The following C8orf34 variants were observed in gnomAD, a reference collection of about 807,000 sequenced individuals.
C8orf34 encodes the protein chromosome 8 open reading frame 34, also known as uncharacterized protein C8orf34.
C8orf34 carries 65 observed loss-of-function variants against 68.3 expected under a neutral mutation model. The ratio of observed to expected loss-of-function variants is 0.95; its 90% CI spans 0.78 to 1.17. The LOEUF (loss-of-function observed/expected upper bound fraction) is 1.17. Among genes scored for constraint, C8orf34 ranks in the 50% most tolerant of loss-of-function variants. C8orf34 has a pLI of 0.00. For missense variants in C8orf34, 664 were observed against 655.4 expected, an observed-to-expected ratio of 1.01 and a Z score of -0.14; for synonymous variants, 244 against 241.2, an observed-to-expected ratio of 1.01 and a Z score of -0.11.
chr8:68,330,866 G>C, upstream of C8orf34: 1 of 628,344 alleles, frequency 1.6e-6, no homozygotes, highest in Non-Finnish European at 2.5e-6. Context: ...GTCCGCCCGC[G>C]TGCGCCCCTC....
At chr8:68,554,070 T>C (rs768219919) in intron 7 of C8orf34, among the ~76,000 whole-genome samples, 16 of 152,116 alleles carry the variant, frequency 1.1e-4, no homozygotes, top group Non-Finnish European at 2.1e-4. Flanking sequence ...GGTTAGCAAA[T>C]TGAAAAAAAT....
chr8:68,791,249 C>A, intron 12 of C8orf34: 1 of 316,730 alleles, frequency 3.2e-6, no homozygotes, highest in South Asian at 1.2e-4. Flanking sequence ...CAAGCACTTT[C>A]TTCTAAGGAG....
intron 10 of C8orf34, among the ~76,000 whole-genome samples, chr8:68,762,993 G>A (rs1311538692): frequency 1.3e-5 from 2 of 152,202 alleles, no homozygotes; most frequent in Non-Finnish European, 2.9e-5. Context: ...GGTTCATTAA[G>A]TTGCTGGGTC....
At chr8:68,509,573 A>G (rs971527610) in intron 5 of C8orf34, among the ~76,000 whole-genome samples, 2 of 152,140 alleles carry the variant, frequency 1.3e-5, no homozygotes, top group African/African-American at 4.8e-5. Context: ...CAGAGACACA[A>G]TTACCTGTTT....
At chr8:68,768,796 T>G (rs1823255844) in intron 10 of C8orf34, among the ~76,000 whole-genome samples, 2 of 152,168 alleles carry the variant, frequency 1.3e-5, no homozygotes, top group Non-Finnish European at 1.5e-5. Context: ...ACGTGGTCTT[T>G]GTGCCGGCAA....
chr8:68,728,913 C>T (rs377699759), intron 10 of C8orf34, among the ~76,000 whole-genome samples: 1 of 152,190 alleles, frequency 6.6e-6, no homozygotes, highest in East Asian at 1.9e-4. Flanking sequence ...CTTCTACTCA[C>T]AAGTAGTGAA....
At chr8:68,802,001 T>C (rs1397151712) in intron 12 of C8orf34, among the ~76,000 whole-genome samples, 2 of 152,136 alleles carry the variant, frequency 1.3e-5, no homozygotes, top group Admixed American at 6.5e-5. Flanking sequence ...CAATAATATA[T>C]GATAATATAC....
chr8:68,507,940 A>T (rs938686557), intron 5 of C8orf34, among the ~76,000 whole-genome samples: 1 of 152,296 alleles, frequency 6.6e-6, no homozygotes, highest in Non-Finnish European at 1.5e-5. Context: ...AATAGGCACC[A>T]TTTCAATTTT....
intron 8 of C8orf34, among the ~76,000 whole-genome samples, chr8:68,654,364 T>C (rs1271537293): frequency 6.6e-6 from 1 of 152,228 alleles, no homozygotes; most frequent in Non-Finnish European, 1.5e-5. Context: ...TTCTCAGTAC[T>C]TTTAGATGAA....
intron 1 of C8orf34, among the ~76,000 whole-genome samples, chr8:68,356,323 A>T (rs781585232): frequency 5.9e-5 from 9 of 151,878 alleles, no homozygotes; most frequent in Non-Finnish European, 1.2e-4. Context: ...GGTATTGGAG[A>T]CTTCATTTAC....
At chr8:68,399,472 T>A (rs1257678297) in intron 1 of C8orf34, among the ~76,000 whole-genome samples, 1 of 152,184 alleles carries the variant, frequency 6.6e-6, no homozygotes, top group East Asian at 1.9e-4. Context: ...TCCATCTATG[T>A]CACTGCAAAA....
At chr8:68,746,955 C>A (rs1176735443) in intron 10 of C8orf34, among the ~76,000 whole-genome samples, 1 of 151,144 alleles carries the variant, frequency 6.6e-6, no homozygotes, top group Non-Finnish European at 1.5e-5. Flanking sequence ...AGACCAATAT[C>A]CTTGATGAAC....
At chr8:68,357,411 T>C (rs1449128266) in intron 1 of C8orf34, among the ~76,000 whole-genome samples, 4 of 152,182 alleles carry the variant, frequency 2.6e-5, no homozygotes, top group Non-Finnish European at 4.4e-5. Context: ...ATGAAATGTT[T>C]GGCTAAGACA....
At chr8:68,647,644 G>A (rs894126315) in intron 8 of C8orf34, among the ~76,000 whole-genome samples, 1 of 152,176 alleles carries the variant, frequency 6.6e-6, no homozygotes, top group African/African-American at 2.4e-5. Flanking sequence ...TTAGGGCTAC[G>A]TTAAATAGCT....
At chr8:68,798,068 G>C (rs1824228803) in intron 12 of C8orf34, among the ~76,000 whole-genome samples, 1 of 152,092 alleles carries the variant, frequency 6.6e-6, no homozygotes, top group Admixed American at 6.6e-5. Context: ...CTTTCTAGTA[G>C]TCTGTAGTAG....
At chr8:68,613,450 A>C (rs201068899) in intron 7 of C8orf34, among the ~76,000 whole-genome samples, 40,678 of 108,056 alleles carry the variant, frequency 0.38, 6,984 homozygotes, top group African/African-American at 0.59. Flanking sequence ...CCCTCCCCCC[A>C]CACAACAGTC....
At chr8:68,422,985 C>T (rs1029966479) in intron 1 of C8orf34, among the ~76,000 whole-genome samples, 2 of 152,218 alleles carry the variant, frequency 1.3e-5, no homozygotes, top group African/African-American at 2.4e-5. Flanking sequence ...GGATTCAGGG[C>T]ACCATGTCCT....
At chr8:68,530,061 A>G (rs1415241969) in intron 6 of C8orf34, among the ~76,000 whole-genome samples, 1 of 152,100 alleles carries the variant, frequency 6.6e-6, no homozygotes, top group African/African-American at 2.4e-5. Context: ...GTAAGCATAG[A>G]ATATTATAAA....
At chr8:68,736,933 A>T (rs544598482) in intron 10 of C8orf34, among the ~76,000 whole-genome samples, 1 of 152,130 alleles carries the variant, frequency 6.6e-6, no homozygotes, top group South Asian at 2.1e-4. Flanking sequence ...AGTAATTTTC[A>T]TTTTTTGACC....
Sources: gnomAD v4.1 joint callset for allele counts (sites outside exome capture counted in the v4.1 genomes callset) on GRCh38, gnomAD v4.1.1 for gene constraint, MANE v1.5 for transcripts, NCBI Gene and HGNC (gene_info 2026-07-23, HGNC 2026-07-21) for gene names.